Variants in ESRP2 observed in about 807,000 individuals in gnomAD.
The protein encoded by ESRP2 is RNA binding motif protein 35A.
Under a neutral mutation model 78.6 loss-of-function variants are expected in ESRP2, and 48 were observed. The ratio of observed to expected loss-of-function variants is 0.61; its 90% CI spans 0.48 to 0.78. The LOEUF (loss-of-function observed/expected upper bound fraction) is 0.78, where lower values mean the gene tolerates loss of function less well. Ranked by LOEUF, ESRP2 falls within the 30% of genes least tolerant of loss-of-function variation. The pLI, the probability that ESRP2 is intolerant of heterozygous loss-of-function variation, is 0.00. For synonymous variants in ESRP2, 383 were observed against 406.7 expected (o/e 0.94, Z 0.70); for missense variants, 863 against 965.9 (o/e 0.89, Z 1.41).
rs1271396377 is a variant in ESRP2, at chr16:68,235,677, T to C, written c.284A>G (p.Asp95Gly). The change falls in exon 2 of 15, where the codon GAC becomes GGC. Residue 95 changes from aspartate to glycine, a missense_variant. By Grantham distance (94) the Asp-to-Gly change is moderately conservative. Coordinates refer to ENST00000473183, the MANE Select transcript of ESRP2 (RefSeq NM_024939.3). The surrounding 1 kb of genome is among the most constrained non-coding windows in gnomAD (Gnocchi z 5.5). The stretch of plus-strand genomic sequence containing the variant: ...CAGCGGCTCTGCCCGCGCCAGGCTG[T>C]CGGCGCTCAGGCCGCTCGCCTCGCG... ...QCREASGLSA[D>G]SLARAEPLDK... 6.3e-7 allele frequency: 1 copy of C among 1,598,860 alleles called. No homozygotes were observed. Among genetic ancestry groups the C allele is most frequent in the Non-Finnish European group, 8.5e-7 (1 of 1,178,540 alleles).
Position 68,229,993 on chromosome 16 carries a change from CTGGT to C in ESRP2, c.*229_*232del, listed in dbSNP as rs1207865985. 1.8e-6 allele frequency: 1 copy of C among 559,110 alleles called. No individual in the cohort carries two copies. Among genetic ancestry groups the C allele is most frequent in the Non-Finnish European group, 3.2e-6 (1 of 312,454 alleles). 34.6% of individuals were successfully genotyped at this position (559,110 alleles called of 1,614,324 possible). A position where few individuals can be genotyped will look rare whatever the true frequency, so the allele number is the denominator to read the frequency against. Reference sequence around the variant, plus strand: ...GATGCCTGGCTCAGGCCATCAGGAGCTGGTTAGCCCCATTCCACCCCCAGCCCTG... The same window carrying C: ...GATGCCTGGCTCAGGCCATCAGGAGCTAGCCCCATTCCACCCCCAGCCCTG... On this transcript the variant is annotated 3_prime_UTR_variant, in exon 15 of 15. Coordinates refer to ENST00000473183, the MANE Select transcript of ESRP2 (RefSeq NM_024939.3).
chr16:68,234,368 A>C, intron 2 of ESRP2: 2 of 416,030 alleles, frequency 4.8e-6, no homozygotes, highest in Non-Finnish European at 4.3e-6. Context: ...CAACACACAC[A>C]CTCCAGGAGT....
chr16:68,230,593 C>G (rs1419902053), intron 13 of ESRP2, 39 bp from the exon 14 acceptor site: 4 of 1,530,358 alleles, frequency 2.6e-6, no homozygotes, highest in Non-Finnish European at 3.5e-6. Context: ...TGCATGCCAC[C>G]TGTGGCCTAG....
In ESRP2 at chr16:68,235,145, G is replaced by A; in HGVS notation, c.327+489C>T. 1.0e-6 allele frequency: 1 copy of A among 998,572 alleles called. No homozygotes were observed. 61.9% of individuals were successfully genotyped at this position (998,572 alleles called of 1,614,324 possible). On this transcript the variant is annotated intron_variant, in intron 2 of 14. Coordinates refer to ENST00000473183, the MANE Select transcript of ESRP2 (RefSeq NM_024939.3). This position sits in a 1 kb window ranked among gnomAD's most constrained non-coding sequence, Gnocchi z 5.5. ...CACGCCTGGCCAGCCGGCCGGGACA[G>A]GCCTAGACGAGCAGTTTACACCTGG...
intron 2 of ESRP2, chr16:68,234,981 AT>A (rs1337910414): frequency 7.5e-6 from 2 of 266,624 alleles, no homozygotes; most frequent in Admixed American, 1.3e-4. Context: ...AGAGTCAGAC[AT>A]AGAATGAGCG....
At position 68,230,741 on chromosome 16, in the gene ESRP2, A is replaced by AC. The variant is rs2042121343; in HGVS notation, c.1898+99_1898+100insG. Reference sequence around the variant, plus strand: ...CCAGCTGCCACCTTACTCCCTTGTCATCTCAAGGGAGGAGTTATCTGGTCC... The same window carrying AC: ...CCAGCTGCCACCTTACTCCCTTGTCACTCTCAAGGGAGGAGTTATCTGGTCC... On this transcript the variant is annotated intron_variant, in intron 13 of 14. Coordinates refer to ENST00000473183, the MANE Select transcript of ESRP2 (RefSeq NM_024939.3). 6.6e-6 allele frequency: 10 copies of AC among 1,521,592 alleles called. No homozygotes were observed. In the Admixed American group the frequency reaches 1.6e-4, roughly 25 times the overall value. 94.3% of individuals were successfully genotyped at this position (1,521,592 alleles called of 1,614,324 possible). A position where few individuals can be genotyped will look rare whatever the true frequency, so the allele number is the denominator to read the frequency against.
At position 68,235,814 on chromosome 16, in the gene ESRP2, C is replaced by T; in HGVS notation, c.198+34G>A. 1 of 1,610,766 alleles carries T rather than the reference C, an allele frequency of 6.2e-7. No individual in the cohort carries two copies. The highest frequency in any genetic ancestry group is 8.5e-7 in the Non-Finnish European group (1 of 1,178,966). ...GCCGCGCCCCTCGACCCCGGAAGCT[C>T]CCTGGGGACCTCACCGCCTCTTTTC... On this transcript the variant is annotated intron_variant, in intron 1 of 14. Coordinates refer to ENST00000473183, the MANE Select transcript of ESRP2 (RefSeq NM_024939.3). The surrounding 1 kb of genome is among the most constrained non-coding windows in gnomAD (Gnocchi z 5.5).
At chr16:68,233,508 A>T (rs779066492) in intron 4 of ESRP2, 83 bp from the exon 5 acceptor site, 1 of 1,053,184 alleles carries the variant, frequency 9.5e-7, no homozygotes, top group East Asian at 2.4e-5. Flanking sequence ...CCCTCCATAG[A>T]CACATGCTGG....
rs2042130161 is a variant in ESRP2 at position 68,231,116 on chromosome 16, A to G, written c.1711+62T>C. ...GAAAGGAGTCCCCGCTATAGAAGGT[A>G]GGGGCTTACAACAGCCTGGCTACCA... On this transcript the variant is annotated intron_variant, in intron 12 of 14. Transcript: ENST00000473183. This position sits in a 1 kb window ranked among gnomAD's most constrained non-coding sequence, Gnocchi z 6.0. 1.2e-6 allele frequency: 2 copies of G among 1,606,374 alleles called. No individual in the cohort carries two copies. The highest frequency in any genetic ancestry group is 1.7e-6 in the Non-Finnish European group (2 of 1,174,240).
At chr16:68,230,607 G>A (rs139841296) in intron 13 of ESRP2, 53 bp from the exon 14 acceptor site, 88 of 1,516,000 alleles carry the variant, frequency 5.8e-5, no homozygotes, top group East Asian at 1.6e-4. Context: ...GGCCTAGACC[G>A]AGACCTGTTT....
intron 13 of ESRP2, 60 bp from the exon 14 acceptor site, chr16:68,230,614 G>A (rs1432795128): frequency 6.6e-7 from 1 of 1,506,302 alleles, no homozygotes; most frequent in Non-Finnish European, 8.9e-7. Context: ...ACCGAGACCT[G>A]TTTCCCTCCT....
chr16:68,233,469 C>G (rs2151194909), intron 4 of ESRP2, 44 bp from the exon 5 acceptor site: 1 of 1,454,738 alleles, frequency 6.9e-7, no homozygotes, highest in East Asian at 2.3e-5. Flanking sequence ...AGCATAAGCA[C>G]TAATCCTGTT....
At position 68,235,519 on chromosome 16, in the gene ESRP2, A is replaced by G. The variant is rs1423649296; in HGVS notation, c.327+115T>C. On this transcript the variant is annotated intron_variant, in intron 2 of 14. Coordinates refer to ENST00000473183, the MANE Select transcript of ESRP2 (RefSeq NM_024939.3). This position sits in a 1 kb window ranked among gnomAD's most constrained non-coding sequence, Gnocchi z 5.5. ...CGCTCAAAGTTTCAAACAAGAGCCCAGTCCTGCCGCCTGGACCGGTTGGTT... is the reference window on the plus strand; with the variant it reads ...CGCTCAAAGTTTCAAACAAGAGCCCGGTCCTGCCGCCTGGACCGGTTGGTT... 3.1e-5 allele frequency: 46 copies of G among 1,480,884 alleles called. No individual in the cohort carries two copies. The highest frequency in any genetic ancestry group is 2.4e-4 in the Middle Eastern group (1 of 4,116). 91.7% of individuals were successfully genotyped at this position (1,480,884 alleles called of 1,614,324 possible). A position where few individuals can be genotyped will look rare whatever the true frequency, so the allele number is the denominator to read the frequency against.
chr16:68,233,428 A>G lies in ESRP2; in HGVS notation c.557-3T>C, dbSNP rs770931636. On this transcript the variant is annotated splice_region_variant and splice_polypyrimidine_tract_variant and intron_variant, in intron 4 of 14. Transcript: ENST00000473183. ...GGCATCTGTCTCCAGTCCTAAACCT[A>G]TGGGCAGAGAAGTGACAGTGAAGAC... The G allele has an allele frequency of 1.2e-6, 2 of 1,609,550 alleles. No individual in the cohort carries two copies. The highest frequency in any genetic ancestry group is 2.2e-5 in the South Asian group (2 of 90,986).
chr16:68,232,677 C>G lies in ESRP2; in HGVS notation c.721G>C (p.Asp241His). ...ACCACAGTCTCACTGTCCACCACAT[C>G]AGCCTTGCTGCTGTAGGGGCAGGGC... ...KYETGPCSKA[D>H]VVDSETVVRA... Residue 241 changes from aspartate to histidine, a missense_variant, in exon 7 of 15, where the codon GAT becomes CAT. Coordinates refer to ENST00000473183, the MANE Select transcript of ESRP2 (RefSeq NM_024939.3). This position sits in a 1 kb window ranked among gnomAD's most constrained non-coding sequence, Gnocchi z 5.2. 6.2e-7 allele frequency: 1 copy of G among 1,614,262 alleles called. No individual in the cohort carries two copies. Among genetic ancestry groups the G allele is most frequent in the Non-Finnish European group, 8.5e-7 (1 of 1,180,030 alleles).
chr16:68,234,358 C>T (rs1426159083), intron 2 of ESRP2: 3 of 499,408 alleles, frequency 6.0e-6, no homozygotes, highest in Middle Eastern at 5.3e-4. Context: ...CCGAAGCCCT[C>T]AACACACACA....
rs1365393917 is a variant in ESRP2 at position 68,232,830 on chromosome 16, C to T, written c.656-15G>A. ...AAACAATTGACCTGAGAAAAGATGG[C>T]CTGGGGGTCAGCAGGGTCTGGTGGA... is the stretch of plus-strand genomic sequence containing the variant. On this transcript the variant is annotated splice_polypyrimidine_tract_variant and intron_variant, in intron 5 of 14. Coordinates refer to ENST00000473183, the MANE Select transcript of ESRP2 (RefSeq NM_024939.3). The surrounding 1 kb of genome is among the most constrained non-coding windows in gnomAD (Gnocchi z 5.2). 1.6e-5 allele frequency: 25 copies of T among 1,612,896 alleles called. No individual in the cohort carries two copies. The highest frequency in any genetic ancestry group is 2.0e-5 in the Non-Finnish European group (24 of 1,180,040).
chr16:68,234,693 C>A (rs1304476428), intron 2 of ESRP2: 2 of 152,472 alleles, frequency 1.3e-5, no homozygotes, highest in African/African-American at 2.4e-5. Flanking sequence ...CTGAGGCTGC[C>A]CAGCCCTCCC....
chr16:68,235,445 G>C lies in ESRP2; in HGVS notation c.327+189C>G, dbSNP rs1188815414. 1.0e-6 allele frequency: 1 copy of C among 985,346 alleles called. No homozygotes were observed. The highest frequency in any genetic ancestry group is 1.2e-6 in the Non-Finnish European group (1 of 829,950). The allele number at this position is 985,346 out of a possible 1,614,324, so 61.0% of individuals were successfully genotyped here. A position where few individuals can be genotyped will look rare whatever the true frequency, so the allele number is the denominator to read the frequency against. Reference sequence around the variant, plus strand: ...CAATGGTTGAAAAGTAAGGAGCCCAGGGGAATGGCTGGCACGCGCGGATGA... The same window carrying C: ...CAATGGTTGAAAAGTAAGGAGCCCACGGGAATGGCTGGCACGCGCGGATGA... On this transcript the variant is annotated intron_variant, in intron 2 of 14. Transcript: ENST00000473183. This position sits in a 1 kb window ranked among gnomAD's most constrained non-coding sequence, Gnocchi z 5.5.
Sources: allele counts gnomAD v4.1 joint callset, GRCh38; gene constraint gnomAD v4.1.1; non-coding constraint Gnocchi (gnomAD v3.1); transcripts MANE v1.5; gene names NCBI Gene and HGNC (gene_info 2026-07-23, HGNC 2026-07-21).